Variants in RETREG1 observed in about 807,000 individuals in gnomAD.
RETREG1 encodes the protein reticulophagy regulator 1.
Under a neutral mutation model 54.8 loss-of-function variants are expected in RETREG1, and 44 were observed. That is an observed-to-expected ratio of 0.80 (90% confidence interval 0.63 to 1.03). The LOEUF (loss-of-function observed/expected upper bound fraction) is 1.03. Among genes scored for constraint, RETREG1 ranks in the 50% least tolerant of loss-of-function variants. The pLI, the probability that RETREG1 is intolerant of heterozygous loss-of-function variation, is 0.00. For synonymous variants in RETREG1, 217 were observed against 238.5 expected (o/e 0.91, Z 0.83); for missense variants, 554 against 605.1 (o/e 0.92, Z 0.89).
intron 3 of RETREG1, among the ~76,000 whole-genome samples, chr5:16,540,876 G>T (rs1052084769): frequency 4.6e-5 from 7 of 152,124 alleles, no homozygotes; most frequent in African/African-American, 1.4e-4. Context: ...TTAACCATGG[G>T]GACCGGGGAG....
At chr5:16,549,407 T>C (rs75564283) in intron 3 of RETREG1, among the ~76,000 whole-genome samples, 5,409 of 152,294 alleles carry the variant, frequency 0.036, 285 homozygotes, top group African/African-American at 0.12. Flanking sequence ...CAATCACCTA[T>C]GTATTTATTG....
chr5:16,521,287 C>T (rs940716361), intron 3 of RETREG1, among the ~76,000 whole-genome samples: 18 of 152,162 alleles, frequency 1.2e-4, no homozygotes, highest in Non-Finnish European at 2.4e-4. Flanking sequence ...TTCTCTAAAA[C>T]CCTATGCCCC....
At chr5:16,614,719 A>G (rs1743442769) in intron 1 of RETREG1, among the ~76,000 whole-genome samples, 1 of 152,260 alleles carries the variant, frequency 6.6e-6, no homozygotes, top group African/African-American at 2.4e-5. Context: ...GTACAGGGTC[A>G]TTAGCTATAA....
At chr5:16,491,859 C>T (rs937354617) in intron 3 of RETREG1, among the ~76,000 whole-genome samples, 7 of 151,910 alleles carry the variant, frequency 4.6e-5, no homozygotes, top group Admixed American at 3.3e-4. Flanking sequence ...CCTGTCTCTA[C>T]GAAAGAAAGG....
intron 3 of RETREG1, among the ~76,000 whole-genome samples, chr5:16,537,367 G>A (rs560627022): frequency 1.1e-4 from 17 of 152,308 alleles, no homozygotes; most frequent in Non-Finnish European, 1.9e-4. Flanking sequence ...TGGAAATTCC[G>A]CGGAGGCTCA....
At chr5:16,527,789 G>C (rs892854843) in intron 3 of RETREG1, among the ~76,000 whole-genome samples, 3 of 110,518 alleles carry the variant, frequency 2.7e-5, no homozygotes, top group Admixed American at 8.9e-5. Flanking sequence ...GTACAATTTC[G>C]AGGGACTCTA....
intron 1 of RETREG1, among the ~76,000 whole-genome samples, chr5:16,605,597 C>T (rs1195570188): frequency 2.0e-5 from 3 of 152,218 alleles, no homozygotes; most frequent in Non-Finnish European, 4.4e-5. Flanking sequence ...GAAGGCCAAG[C>T]ATTAGAGAGA....
At chr5:16,526,587 A>G (rs1178930489) in intron 3 of RETREG1, among the ~76,000 whole-genome samples, 1 of 152,204 alleles carries the variant, frequency 6.6e-6, no homozygotes, top group Non-Finnish European at 1.5e-5. Flanking sequence ...AATTAAGAAG[A>G]CAGTGACAGA....
At chr5:16,582,615 G>A (rs1000638044) in intron 1 of RETREG1, among the ~76,000 whole-genome samples, 8 of 146,346 alleles carry the variant, frequency 5.5e-5, no homozygotes, top group Admixed American at 1.4e-4. Context: ...AGAAAGTTTC[G>A]AAACTGTCAG....
chr5:16,567,893 G>A (rs1036785547), intron 2 of RETREG1, among the ~76,000 whole-genome samples: 1 of 152,082 alleles, frequency 6.6e-6, no homozygotes, highest in Non-Finnish European at 1.5e-5. Context: ...CCAGGAGCTC[G>A]AGGCTGCAGT....
intron 1 of RETREG1, among the ~76,000 whole-genome samples, chr5:16,579,307 G>A (rs1742421134): frequency 6.6e-6 from 1 of 152,196 alleles, no homozygotes; most frequent in African/African-American, 2.4e-5. Flanking sequence ...CTTGCTCAAG[G>A]CCCCAAGACA....
intron 3 of RETREG1, among the ~76,000 whole-genome samples, chr5:16,556,917 C>T (rs1419460032): frequency 6.6e-6 from 1 of 152,156 alleles, no homozygotes; most frequent in African/African-American, 2.4e-5. Context: ...GCAACCTCCA[C>T]CTCCTGGGTT....
intron 3 of RETREG1, among the ~76,000 whole-genome samples, chr5:16,562,116 G>C (rs1561121209): frequency 6.6e-6 from 1 of 152,268 alleles, no homozygotes; most frequent in East Asian, 1.9e-4. Context: ...GGGAGTTCGA[G>C]ATCAGCCTAA....
At chr5:16,587,362 T>C (rs992250893) in intron 1 of RETREG1, among the ~76,000 whole-genome samples, 17 of 152,198 alleles carry the variant, frequency 1.1e-4, no homozygotes, top group African/African-American at 4.1e-4. Context: ...ATAAATAGAT[T>C]AGGTTGGAGC....
intron 3 of RETREG1, among the ~76,000 whole-genome samples, chr5:16,523,366 T>C (rs887972544): frequency 1.3e-5 from 2 of 152,186 alleles, no homozygotes; most frequent in Non-Finnish European, 2.9e-5. Flanking sequence ...GCCTGGACTT[T>C]CCTCAGTTAT....
intron 2 of RETREG1, among the ~76,000 whole-genome samples, chr5:16,570,322 AG>A (rs1692600394): frequency 6.6e-6 from 1 of 152,228 alleles, no homozygotes; most frequent in African/African-American, 2.4e-5. Flanking sequence ...ATGAATATCA[AG>A]CCCATGAGTC....
At chr5:16,490,776 C>G (rs565181896) in intron 3 of RETREG1, among the ~76,000 whole-genome samples, 1 of 152,296 alleles carries the variant, frequency 6.6e-6, no homozygotes, top group African/African-American at 2.4e-5. Flanking sequence ...AGAAAAAACA[C>G]TCTCCGGATT....
intron 3 of RETREG1, among the ~76,000 whole-genome samples, chr5:16,541,976 G>C (rs936014878): frequency 1.3e-5 from 2 of 152,144 alleles, no homozygotes; most frequent in Non-Finnish European, 2.9e-5. Context: ...GTGTTCAGGG[G>C]CCACTATGTT....
At chr5:16,612,891 T>C (rs572326463) in intron 1 of RETREG1, among the ~76,000 whole-genome samples, 1 of 152,362 alleles carries the variant, frequency 6.6e-6, no homozygotes, top group South Asian at 2.1e-4. Flanking sequence ...ACCAATCCTG[T>C]TCAGTTCCTG....
Sources: allele counts gnomAD v4.1 joint callset (sites outside exome capture counted in the v4.1 genomes callset), GRCh38; gene constraint gnomAD v4.1.1; transcripts MANE v1.5; gene names NCBI Gene and HGNC (gene_info 2026-07-23, HGNC 2026-07-21).